SH3D19: variants seen among roughly 807,000 people sequenced by gnomAD.
SH3D19 encodes the protein SH3 domain containing 19.
A neutral mutation model predicts 112.1 loss-of-function variants in SH3D19; 58 were observed. The ratio of observed to expected loss-of-function variants is 0.52; its 90% CI spans 0.42 to 0.64. The LOEUF (loss-of-function observed/expected upper bound fraction) is 0.64, where lower values mean the gene tolerates loss of function less well. Among genes scored for constraint, SH3D19 ranks in the 30% least tolerant of loss-of-function variants. The pLI is 0.00. For synonymous variants in SH3D19, 391 were observed against 448.5 expected, an observed-to-expected ratio of 0.87 and a Z score of 1.62; for missense variants, 1,090 against 1,263.4, an observed-to-expected ratio of 0.86 and a Z score of 2.08.
intron 1 of SH3D19, among the ~76,000 whole-genome samples, chr4:151,302,880 A>AG (rs1236961074): frequency 3.3e-4 from 45 of 137,110 alleles, no homozygotes; most frequent in African/African-American, 1.2e-3. Context: ...GGGTGGGGGA[A>AG]GGGGGGAGGG....
intron 1 of SH3D19, among the ~76,000 whole-genome samples, chr4:151,282,904 TA>T (rs201502254): frequency 7.3e-5 from 11 of 151,546 alleles, no homozygotes; most frequent in Admixed American, 4.6e-4. Context: ...ATGGCTCAAT[TA>T]AAAAAAAACC....
At chr4:151,163,476 C>G (rs1757487909) in intron 8 of SH3D19, among the ~76,000 whole-genome samples, 1 of 152,058 alleles carries the variant, frequency 6.6e-6, no homozygotes, top group South Asian at 2.1e-4. Context: ...ATACATTTAA[C>G]AAAGTAATAG....
intron 17 of SH3D19, among the ~76,000 whole-genome samples, chr4:151,130,785 C>A (rs1218211310): frequency 6.6e-6 from 1 of 152,000 alleles, no homozygotes; most frequent in African/African-American, 2.4e-5. Flanking sequence ...GCTAAAACTA[C>A]AAAAATTAGC....
chr4:151,305,101 A>G (rs1447460817), intron 1 of SH3D19, among the ~76,000 whole-genome samples: 1 of 152,242 alleles, frequency 6.6e-6, no homozygotes, highest in African/African-American at 2.4e-5. Context: ...CACTAAACAA[A>G]CAACCACAAC....
chr4:151,207,611 C>A (rs964577071), intron 2 of SH3D19, among the ~76,000 whole-genome samples: 1 of 152,186 alleles, frequency 6.6e-6, no homozygotes, highest in Non-Finnish European at 1.5e-5. Flanking sequence ...TGTGGGACTA[C>A]TCAACAGTTC....
At chr4:151,207,190 T>C (rs1285210601) in intron 2 of SH3D19, among the ~76,000 whole-genome samples, 1 of 152,106 alleles carries the variant, frequency 6.6e-6, no homozygotes, top group Admixed American at 6.6e-5. Flanking sequence ...TAAGATTTAG[T>C]AGCAGTGCAT....
At chr4:151,198,249 G>A (rs1402552286) in intron 2 of SH3D19, among the ~76,000 whole-genome samples, 1 of 148,436 alleles carries the variant, frequency 6.7e-6, no homozygotes, top group Non-Finnish European at 1.5e-5. Context: ...AGGTTGCAGT[G>A]AGCTGAGATC....
Position 151,122,023 on chromosome 4 carries a change from CAT to C in SH3D19, c.*66_*67del, listed in dbSNP as rs1333217293. 3 of 779,458 alleles carry C rather than the reference CAT, an allele frequency of 3.8e-6. No individual in the cohort carries two copies. Among genetic ancestry groups the C allele is most frequent in the Admixed American group, 4.3e-5 (2 of 46,428 alleles). 48.3% of individuals were successfully genotyped at this position (779,458 alleles called of 1,614,324 possible). A position where few individuals can be genotyped will look rare whatever the true frequency, so the allele number is the denominator to read the frequency against. ...TCAGTTAAAAAAAATAGTGCAAAAACATATCTGATAGTCAAGGTGATAGTTCA... is the reference window on the plus strand; with the variant it reads ...TCAGTTAAAAAAAATAGTGCAAAAACATCTGATAGTCAAGGTGATAGTTCA... On this transcript the variant is annotated 3_prime_UTR_variant, in exon 20 of 20. Transcript: ENST00000604030.
intron 1 of SH3D19, chr4:151,300,546 A>G (rs1728296412): frequency 6.6e-6 from 1 of 152,192 alleles, no homozygotes; most frequent in Non-Finnish European, 1.5e-5. Context: ...CGTATACTAA[A>G]ATTGGAAAGA....
At chr4:151,233,517 G>C (rs993383271) in intron 1 of SH3D19, among the ~76,000 whole-genome samples, 1 of 152,066 alleles carries the variant, frequency 6.6e-6, no homozygotes, top group African/African-American at 2.4e-5. Context: ...CAATAGTGTA[G>C]CATTTAAAAA....
At chr4:151,129,874 TA>T (rs1750247251) in intron 17 of SH3D19, among the ~76,000 whole-genome samples, 1 of 152,180 alleles carries the variant, frequency 6.6e-6, no homozygotes, top group African/African-American at 2.4e-5. Flanking sequence ...TGATGGCTTA[TA>T]AAACAAAAAC....
rs562986127 is a variant in SH3D19, at chr4:151,159,255, C to G, written c.1740G>C (p.Glu580Asp). 1 of 1,536,480 alleles carries G rather than the reference C, an allele frequency of 6.5e-7. No homozygotes were observed. Among genetic ancestry groups the G allele is most frequent in the South Asian group, 1.3e-5 (1 of 75,160 alleles). ...GACCACTTACCAAGTTTCTAGTTCT[C>G]TCAACATTACTGAGCTTTCCAGATA... The part of the protein sequence containing the change: ...STVSGKLSNV[E>D]RTRNLESNHP... Residue 580 changes from glutamate (E) to aspartate (D), a missense_variant, in exon 9 of 20, where the codon GAG (glutamate) becomes GAC (aspartate). Glu to Asp is a conservative substitution (Grantham distance 45). Coordinates refer to ENST00000604030, the MANE Select transcript of SH3D19 (RefSeq NM_001378122.1).
chr4:151,312,910 A>T (rs546104758), intron 1 of SH3D19, among the ~76,000 whole-genome samples: 92 of 149,730 alleles, frequency 6.1e-4, no homozygotes, highest in African/African-American at 1.3e-3. Flanking sequence ...CAAAAAAAAA[A>T]AAAATAAATA....
At chr4:151,225,095 T>G (rs1768773259) in intron 2 of SH3D19, among the ~76,000 whole-genome samples, 1 of 152,254 alleles carries the variant, frequency 6.6e-6, no homozygotes, top group Non-Finnish European at 1.5e-5. Context: ...AACGCATTGC[T>G]ATTCTAAGCA....
At chr4:151,232,663 G>C (rs1048252388) in intron 1 of SH3D19, among the ~76,000 whole-genome samples, 1 of 152,180 alleles carries the variant, frequency 6.6e-6, no homozygotes, top group Admixed American at 6.5e-5. Context: ...GAAAGGTTTA[G>C]TTCAATATCT....
chr4:151,323,510 T>C (rs765732838), intron 1 of SH3D19, among the ~76,000 whole-genome samples: 1 of 152,194 alleles, frequency 6.6e-6, no homozygotes, highest in Non-Finnish European at 1.5e-5. Context: ...TGTAAACTAT[T>C]AAATAATTTC....
intron 1 of SH3D19, among the ~76,000 whole-genome samples, chr4:151,241,406 CAG>C (rs1770546488): frequency 2.6e-5 from 4 of 151,852 alleles, no homozygotes; most frequent in African/African-American, 7.3e-5. Context: ...TTTATAAAGA[CAG>C]AAAGTATTAT....
intron 3 of SH3D19, among the ~76,000 whole-genome samples, chr4:151,182,758 A>G (rs1761147572): frequency 6.6e-6 from 1 of 152,124 alleles, no homozygotes; most frequent in Non-Finnish European, 1.5e-5. Flanking sequence ...CTTTGTGCTA[A>G]TTTCTCAACT....
At chr4:151,199,687 C>T (rs988538779) in intron 2 of SH3D19, among the ~76,000 whole-genome samples, 2 of 152,100 alleles carry the variant, frequency 1.3e-5, no homozygotes, top group African/African-American at 4.8e-5. Flanking sequence ...ACCAGCTGCA[C>T]GCACTGTGAA....
Sources: allele counts gnomAD v4.1 joint callset (sites outside exome capture counted in the v4.1 genomes callset), GRCh38; gene constraint gnomAD v4.1.1; transcripts MANE v1.5; gene names NCBI Gene and HGNC (gene_info 2026-07-23, HGNC 2026-07-21).